EIF3D: variants seen among roughly 807,000 people sequenced by gnomAD.
The protein encoded by EIF3D is eukaryotic translation initiation factor 3 subunit D, also known as eIF3 p66.
In EIF3D, 10 loss-of-function variants were observed where a neutral mutation model predicts 75.4. That is an observed-to-expected ratio of 0.13 (90% CI 0.08 to 0.22). The LOEUF is 0.22. Among genes scored for constraint, EIF3D ranks in the 10% least tolerant of loss-of-function variants. The pLI, the probability that EIF3D is intolerant of heterozygous loss-of-function variation, is 1.00. For synonymous variants in EIF3D, 246 were observed against 248.3 expected (o/e 0.99, Z 0.09); for missense variants, 394 against 708.0 (o/e 0.56, Z 5.03).
rs1186433764 is a variant in EIF3D at position 36,512,608 on chromosome 22, G to A, written c.1207-6C>T. The A allele has an allele frequency of 6.2e-7, 1 of 1,608,738 alleles. No individual in the cohort carries two copies. Among genetic ancestry groups the A allele is most frequent in the African/African-American group, 1.3e-5 (1 of 74,978 alleles). ...CAGTCAACGCCATTACAGTGCTGCA[G>A]GAGAGCCCCGTTAGAGAAACAGAAG... On this transcript the variant is annotated splice_polypyrimidine_tract_variant and splice_region_variant and intron_variant, in intron 12 of 14. Coordinates refer to ENST00000216190, the MANE Select transcript of EIF3D (RefSeq NM_003753.4).
chr22:36,528,601 G>C (rs1043124370), intron 1 of EIF3D: 9 of 144,880 alleles, frequency 6.2e-5, no homozygotes, highest in Non-Finnish European at 1.3e-4. Context: ...AACAGGGGGT[G>C]GGGTAGATTT....
intron 6 of EIF3D, 23 bp downstream of exon 6, chr22:36,523,186 G>A (rs1934542065): frequency 6.2e-7 from 1 of 1,603,184 alleles, no homozygotes; most frequent in Admixed American, 1.7e-5. Context: ...TTCCAAGGCA[G>A]AATTCTGGTA....
At chr22:36,527,428 G>C (rs181712131) in intron 1 of EIF3D, among the ~76,000 whole-genome samples, 1 of 152,308 alleles carries the variant, frequency 6.6e-6, no homozygotes, top group East Asian at 1.9e-4. Flanking sequence ...TAAAAAACCG[G>C]CGCTGTATAG....
At chr22:36,513,197 C>G (rs1042153792) in intron 12 of EIF3D, among the ~76,000 whole-genome samples, 3 of 152,182 alleles carry the variant, frequency 2.0e-5, no homozygotes, top group African/African-American at 7.2e-5. Context: ...AAGTTGGACC[C>G]AGAGTGAAAT....
chr22:36,518,638 A>G (rs569667594), intron 9 of EIF3D, 125 bp downstream of exon 9: 349 of 1,239,994 alleles, frequency 2.8e-4, no homozygotes, highest in Non-Finnish European at 2.9e-4. Flanking sequence ...AGATTCAGAC[A>G]CTGCTGCTGT....
chr22:36,516,613 G>A lies in EIF3D; in HGVS notation c.1077-6C>T, dbSNP rs1211921378. On this transcript the variant is annotated splice_polypyrimidine_tract_variant and splice_region_variant and intron_variant, in intron 11 of 14. Coordinates refer to ENST00000216190, the MANE Select transcript of EIF3D (RefSeq NM_003753.4). ...CAAGCTTCCACCTGCGGTAACTGCA[G>A]CAAAAAAGAAACTCATGTGGTCACT... is the stretch of plus-strand genomic sequence containing the variant. 4.3e-6 allele frequency: 7 copies of A among 1,613,816 alleles called. No individual in the cohort carries two copies. Among genetic ancestry groups the A allele is most frequent in the Non-Finnish European group, 4.2e-6 (5 of 1,179,846 alleles).
chr22:36,514,381 G>C (rs1485399102), intron 12 of EIF3D, among the ~76,000 whole-genome samples: 2 of 152,168 alleles, frequency 1.3e-5, no homozygotes, highest in Non-Finnish European at 2.9e-5. Flanking sequence ...AGAACCTATG[G>C]CTAGGATCAA....
chr22:36,519,565 AAAGT>A, intron 7 of EIF3D, 28 bp from the exon 8 acceptor site: 1 of 1,612,756 alleles, frequency 6.2e-7, no homozygotes, highest in Non-Finnish European at 8.5e-7. Context: ...AAAGACATGC[AAAGT>A]AAGAGAGATA....
intron 10 of EIF3D, 73 bp from the exon 11 acceptor site, chr22:36,516,863 C>A: frequency 7.2e-7 from 1 of 1,395,792 alleles, no homozygotes; most frequent in African/African-American, 1.4e-5. Context: ...TCAGACCCAG[C>A]ACCTCTGCTT....
At chr22:36,522,981 G>A in intron 6 of EIF3D, 1 of 452,880 alleles carries the variant, frequency 2.2e-6, no homozygotes, top group Non-Finnish European at 4.1e-6. Context: ...CAGGTATTCT[G>A]TTCTAGCAAC....
chr22:36,516,290 G>A (rs1934425343), intron 12 of EIF3D, 188 bp downstream of exon 12: 2 of 650,822 alleles, frequency 3.1e-6, no homozygotes, highest in Non-Finnish European at 5.2e-6. Context: ...TACACACACA[G>A]TCATGCTCTT....
In EIF3D at chr22:36,529,096, C is replaced by A; in HGVS notation, c.-31G>T. ...CTCACCTGCAATGGCCTCGGCCGGC[C>A]GGGATGGCAACAGATGGTGCGTGCC... On this transcript the variant is annotated 5_prime_UTR_variant, in exon 1 of 15. Transcript: ENST00000216190. The A allele has an allele frequency of 2.5e-6, 1 of 393,732 alleles. No individual in the cohort carries two copies. Among genetic ancestry groups the A allele is most frequent in the Non-Finnish European group, 4.5e-6 (1 of 223,288 alleles). 24.4% of individuals were successfully genotyped at this position (393,732 alleles called of 1,614,324 possible).
chr22:36,524,637 G>C lies in EIF3D; in HGVS notation c.265C>G (p.Gln89Glu). Residue 89 changes from glutamine to glutamate, a missense_variant, in exon 4 of 15, where the codon CAG (glutamine) becomes GAG (glutamate). Coordinates refer to ENST00000216190, the MANE Select transcript of EIF3D (RefSeq NM_003753.4). ...SFQLVDTARTQKTAYQRNRMR... is the reference protein window; with the variant it reads ...SFQLVDTARTEKTAYQRNRMR... ...CGATTCCGCTGGTAGGCCGTCTTCT[G>C]TGTGCGCGCTGTATCCACCAGCTGG... The C allele has an allele frequency of 6.2e-7, 1 of 1,614,182 alleles. No individual in the cohort carries two copies. Among genetic ancestry groups the C allele is most frequent in the Non-Finnish European group, 8.5e-7 (1 of 1,180,048 alleles).
At chr22:36,528,157 C>G (rs1934635777) in intron 1 of EIF3D, among the ~76,000 whole-genome samples, 1 of 152,164 alleles carries the variant, frequency 6.6e-6, no homozygotes, top group African/African-American at 2.4e-5. Flanking sequence ...ACTCAAGCAG[C>G]TGACCTCATC....
chr22:36,511,428 C>A, intron 14 of EIF3D, 75 bp downstream of exon 14: 1 of 1,576,216 alleles, frequency 6.3e-7, no homozygotes. Context: ...GGTTAAAGAT[C>A]ACAATGGCTA....
Position 36,517,376 on chromosome 22 carries a change from G to A in EIF3D, c.915C>T (p.Ser305=), listed in dbSNP as rs1934444344. The change falls in exon 10 of 15, where the codon TCC becomes TCT. Residue 305 remains serine, a synonymous_variant. Coordinates refer to ENST00000216190, the MANE Select transcript of EIF3D (RefSeq NM_003753.4). ...ANEPPQDEGN[S]FNSPRNLAME... ...TGGCCAGGTTGCGGGGTGAATTGAA[G>A]GAATTACCTTCATCTTGAGGGGGCT... 1 of 1,613,852 alleles carries A rather than the reference G, an allele frequency of 6.2e-7. No homozygotes were observed. Among genetic ancestry groups the A allele is most frequent in the Non-Finnish European group, 8.5e-7 (1 of 1,179,880 alleles).
intron 14 of EIF3D, 199 bp downstream of exon 14, chr22:36,511,304 C>G (rs1324842900): frequency 9.8e-6 from 11 of 1,125,144 alleles, no homozygotes. Flanking sequence ...CTCTAAAACA[C>G]CGCTATCCTC....
intron 1 of EIF3D, 72 bp from the exon 2 acceptor site, chr22:36,526,203 G>A: frequency 1.4e-6 from 2 of 1,438,110 alleles, no homozygotes; most frequent in South Asian, 3.1e-5. Flanking sequence ...TCCATATGAA[G>A]TAAGCAAAGA....
chr22:36,525,289 G>GC (rs1261039951), intron 3 of EIF3D, among the ~76,000 whole-genome samples: 3 of 142,690 alleles, frequency 2.1e-5, no homozygotes, highest in Non-Finnish European at 4.5e-5. Flanking sequence ...CTGTCACCAG[G>GC]CTGGAGTACA....
Sources: gnomAD v4.1 joint callset for allele counts (sites outside exome capture counted in the v4.1 genomes callset) on GRCh38, gnomAD v4.1.1 for gene constraint, MANE v1.5 for transcripts, NCBI Gene and HGNC (gene_info 2026-07-23, HGNC 2026-07-21) for gene names.